The following EVI5 variants were observed in gnomAD, a reference collection of about 807,000 sequenced individuals.
EVI5 encodes the protein ecotropic viral integration site 5.
EVI5 carries 73 observed loss-of-function variants against 112.0 expected under a neutral mutation model. The ratio of observed to expected loss-of-function variants is 0.65; its 90% CI spans 0.54 to 0.79. The LOEUF is 0.79. EVI5 is among the 30% of genes least tolerant of loss of function. The pLI is 0.00. For synonymous variants in EVI5, 305 were observed against 319.9 expected (o/e 0.95, Z 0.50); for missense variants, 900 against 968.8 (o/e 0.93, Z 0.94).
chr1:92,790,187 C>T (rs965492337), intron 1 of EVI5, among the ~76,000 whole-genome samples: 3 of 152,094 alleles, frequency 2.0e-5, no homozygotes, highest in Non-Finnish European at 2.9e-5. Flanking sequence ...TATGTTGGCA[C>T]AACTGTAGCT....
chr1:92,551,323 C>T (rs1486365127), intron 19 of EVI5, among the ~76,000 whole-genome samples: 1 of 151,954 alleles, frequency 6.6e-6, no homozygotes, highest in East Asian at 1.9e-4. Context: ...CCACTGTGCT[C>T]GGCAACTGCA....
chr1:92,653,344 C>T (rs766490464), intron 13 of EVI5, among the ~76,000 whole-genome samples: 15 of 152,222 alleles, frequency 9.9e-5, no homozygotes, highest in East Asian at 3.8e-4. Context: ...AGGGAGCACC[C>T]ACTGGGACAA....
At position 92,741,394 on chromosome 1, in the gene EVI5, A is replaced by G. The variant is rs1293613758; in HGVS notation, c.-81-4767T>C. ...GTTGAGGAGTATCTGAGAGATACAG[A>G]AATAAGAGCTGCAAAATATTCCCAT... On this transcript the variant is annotated intron_variant, in intron 1 of 19. Coordinates refer to ENST00000684568, the MANE Select transcript of EVI5 (RefSeq NM_001350197.2). 2.6e-5 allele frequency among the ~76,000 whole-genome samples: 4 copies of G among 152,230 alleles called. 1 individual carries two copies. Among genetic ancestry groups the G allele is most frequent in the Admixed American group, 2.0e-4 (3 of 15,284 alleles).
intron 18 of EVI5, among the ~76,000 whole-genome samples, chr1:92,590,016 G>C (rs1673530933): frequency 6.6e-6 from 1 of 152,186 alleles, no homozygotes; most frequent in South Asian, 2.1e-4. Flanking sequence ...GTCTGGAGTG[G>C]ACCTCCAGCA....
intron 19 of EVI5, among the ~76,000 whole-genome samples, chr1:92,540,028 T>A (rs1269218357): frequency 6.6e-6 from 1 of 152,204 alleles, no homozygotes; most frequent in South Asian, 2.1e-4. Context: ...AGCACTTGAT[T>A]CCTTTTATTG....
At chr1:92,560,739 A>T (rs1218820595) in intron 19 of EVI5, among the ~76,000 whole-genome samples, 1 of 151,690 alleles carries the variant, frequency 6.6e-6, no homozygotes, top group Non-Finnish European at 1.5e-5. Flanking sequence ...TATTATTATT[A>T]TTTTTAATAG....
intron 2 of EVI5, among the ~76,000 whole-genome samples, chr1:92,724,132 GA>G (rs1445535338): frequency 6.6e-6 from 1 of 152,062 alleles, no homozygotes; most frequent in African/African-American, 2.4e-5. Context: ...TAAAGCATGT[GA>G]TCCTTGTGAC....
intron 18 of EVI5, chr1:92,580,750 T>C (rs1671812469): frequency 6.3e-6 from 1 of 158,326 alleles, no homozygotes; most frequent in Non-Finnish European, 1.4e-5. Context: ...CTTCATGCAC[T>C]GGTTGCCCAG....
intron 19 of EVI5, among the ~76,000 whole-genome samples, chr1:92,530,704 G>A (rs748850772): frequency 1.3e-5 from 2 of 151,838 alleles, no homozygotes; most frequent in Admixed American, 6.6e-5. Context: ...AGGCCTGTCA[G>A]AAGGAAAACT....
At chr1:92,704,799 G>C (rs773858928) in intron 2 of EVI5, 55 bp from the exon 3 acceptor site, 4 of 764,812 alleles carry the variant, frequency 5.2e-6, no homozygotes, top group Non-Finnish European at 8.1e-6. Flanking sequence ...TATTAGAAGA[G>C]GCATTGATGA....
intron 2 of EVI5, among the ~76,000 whole-genome samples, chr1:92,719,324 A>G (rs1674351180): frequency 6.6e-6 from 1 of 152,098 alleles, no homozygotes; most frequent in African/African-American, 2.4e-5. Context: ...CGAATCCAGC[A>G]GCACATCAAA....
At chr1:92,747,567 A>G (rs1157653203) in intron 1 of EVI5, among the ~76,000 whole-genome samples, 4 of 151,956 alleles carry the variant, frequency 2.6e-5, no homozygotes, top group African/African-American at 9.7e-5. Context: ...TACAAAAATT[A>G]GCCGGGAGTG....
intron 13 of EVI5, among the ~76,000 whole-genome samples, chr1:92,659,548 C>G (rs1663612552): frequency 6.6e-6 from 1 of 152,108 alleles, no homozygotes. Context: ...GAGATACCAT[C>G]TTACACCAGT....
At chr1:92,521,549 G>A (rs1463314019) in intron 19 of EVI5, among the ~76,000 whole-genome samples, 2 of 152,140 alleles carry the variant, frequency 1.3e-5, no homozygotes, top group African/African-American at 4.8e-5. Context: ...AAATTAGCCA[G>A]GTGTGGTGGT....
intron 2 of EVI5, among the ~76,000 whole-genome samples, chr1:92,735,120 A>G (rs1677116141): frequency 6.6e-6 from 1 of 152,208 alleles, no homozygotes; most frequent in South Asian, 2.1e-4. Context: ...AAGAGAAATG[A>G]AAGCATATAT....
intron 1 of EVI5, among the ~76,000 whole-genome samples, chr1:92,778,145 G>C (rs1017632062): frequency 4.6e-5 from 7 of 152,206 alleles, no homozygotes; most frequent in African/African-American, 1.7e-4. Flanking sequence ...TTGACCTCAT[G>C]ATCTGCCTGC....
chr1:92,680,041 A>G (rs866889975), intron 9 of EVI5, among the ~76,000 whole-genome samples: 1 of 152,168 alleles, frequency 6.6e-6, no homozygotes, highest in Non-Finnish European at 1.5e-5. Flanking sequence ...ATTTGTCTAA[A>G]TTACTGGAAA....
intron 18 of EVI5, among the ~76,000 whole-genome samples, chr1:92,570,100 G>GA (rs1042012549): frequency 2.6e-5 from 4 of 151,120 alleles, no homozygotes; most frequent in Non-Finnish European, 4.4e-5. Flanking sequence ...GAAATAAGGG[G>GA]AAAAAAAACA....
intron 19 of EVI5, among the ~76,000 whole-genome samples, chr1:92,557,728 T>A (rs1667899877): frequency 6.7e-6 from 1 of 149,152 alleles, no homozygotes; most frequent in Non-Finnish European, 1.5e-5. Flanking sequence ...GAAGAAAACT[T>A]TTTTTTTTTT....
Sources: allele counts gnomAD v4.1 joint callset (sites outside exome capture counted in the v4.1 genomes callset), GRCh38; gene constraint gnomAD v4.1.1; transcripts MANE v1.5; gene names NCBI Gene and HGNC (gene_info 2026-07-23, HGNC 2026-07-21).